Variants in RNF180 observed in about 807,000 individuals in gnomAD.
RNF180 encodes the protein E3 ubiquitin-protein ligase RNF180.
RNF180 carries 38 observed loss-of-function variants against 59.2 expected under a neutral mutation model. The observed-to-expected ratio is 0.64, with a 90% CI of 0.50 to 0.84. The LOEUF (loss-of-function observed/expected upper bound fraction) is 0.84. Among genes scored for constraint, RNF180 ranks in the 40% least tolerant of loss-of-function variants. The pLI, the probability that RNF180 is intolerant of heterozygous loss-of-function variation, is 0.00. For missense variants in RNF180, 705 were observed against 700.9 expected (o/e 1.01, Z -0.07); for synonymous variants, 262 against 240.3 (o/e 1.09, Z -0.84).
At chr5:64,233,752 T>A (rs1448270216) in intron 5 of RNF180, among the ~76,000 whole-genome samples, 1 of 152,238 alleles carries the variant, frequency 6.6e-6, no homozygotes, top group East Asian at 1.9e-4. Flanking sequence ...CCCCAGATTC[T>A]TTCTTGTGCG....
intron 4 of RNF180, among the ~76,000 whole-genome samples, chr5:64,215,650 TTTAAC>T (rs1473184814): frequency 6.6e-6 from 1 of 152,060 alleles, no homozygotes; most frequent in Non-Finnish European, 1.5e-5. Flanking sequence ...TACTTCATAG[TTTAAC>T]TTAAACTGTA....
In RNF180 at chr5:64,265,598, G is replaced by T. The variant is rs1012380415; in HGVS notation, c.1227+48202G>T. On this transcript the variant is annotated intron_variant, in intron 5 of 7. Transcript: ENST00000389100. ...TTCATTGGTCTATATTTCTATTTTG[G>T]TACCAGTACCATGCTGTTTTGGTTT... 2.0e-5 allele frequency among the ~76,000 whole-genome samples: 3 copies of T among 152,172 alleles called. No individual in the cohort carries two copies. The South Asian group carries it at 6.2e-4, about 32-fold the overall frequency.
intron 7 of RNF180, among the ~76,000 whole-genome samples, chr5:64,353,924 T>C (rs1047461555): frequency 7.3e-5 from 11 of 151,430 alleles, no homozygotes; most frequent in Non-Finnish European, 1.3e-4. Context: ...TACACTGATA[T>C]GAATGAAAAC....
At chr5:64,264,313 A>G (rs375222306) in intron 5 of RNF180, among the ~76,000 whole-genome samples, 3 of 152,116 alleles carry the variant, frequency 2.0e-5, no homozygotes, top group African/African-American at 7.2e-5. Context: ...TTCTGCACCC[A>G]TCAACCCATC....
At chr5:64,222,110 A>G (rs1741370903) in intron 5 of RNF180, among the ~76,000 whole-genome samples, 1 of 152,106 alleles carries the variant, frequency 6.6e-6, no homozygotes, top group South Asian at 2.1e-4. Context: ...TGACCTTGAC[A>G]GTTTTGAGGA....
intron 5 of RNF180, among the ~76,000 whole-genome samples, chr5:64,294,391 T>C (rs893973828): frequency 6.6e-6 from 1 of 152,098 alleles, no homozygotes; most frequent in Non-Finnish European, 1.5e-5. Context: ...AAGTTAAAAA[T>C]AAAATTCTAT....
chr5:64,331,482 A>G (rs1026603073), intron 7 of RNF180, among the ~76,000 whole-genome samples: 3 of 152,144 alleles, frequency 2.0e-5, no homozygotes, highest in Non-Finnish European at 4.4e-5. Flanking sequence ...ACTCAGGCAG[A>G]CAGTGGGACA....
chr5:64,203,736 T>C (rs1415057582), intron 2 of RNF180, among the ~76,000 whole-genome samples: 2 of 152,226 alleles, frequency 1.3e-5, no homozygotes, highest in East Asian at 3.9e-4. Flanking sequence ...GAAGGAGTAA[T>C]ATGAAGCAGT....
intron 2 of RNF180, among the ~76,000 whole-genome samples, chr5:64,210,584 A>C (rs1053964480): frequency 6.6e-6 from 1 of 152,126 alleles, no homozygotes. Flanking sequence ...GTGGAGATAG[A>C]ATGTGACTTA....
chr5:64,212,343 C>T (rs1316383737), intron 3 of RNF180, among the ~76,000 whole-genome samples, 183 bp downstream of exon 3: 3 of 151,698 alleles, frequency 2.0e-5, no homozygotes, highest in Admixed American at 6.6e-5. Context: ...CTGTGTTTTA[C>T]GCACACACAC....
At chr5:64,194,602 C>A (rs1212986016) in intron 1 of RNF180, among the ~76,000 whole-genome samples, 1 of 152,208 alleles carries the variant, frequency 6.6e-6, no homozygotes, top group African/African-American at 2.4e-5. Context: ...AATGGTTGAA[C>A]TAGTTTACAG....
intron 1 of RNF180, among the ~76,000 whole-genome samples, chr5:64,172,054 TG>T (rs1749965859): frequency 6.6e-6 from 1 of 152,240 alleles, no homozygotes. Context: ...GTAATGTCTT[TG>T]GGCATCAGTA....
rs144978562 is a variant in RNF180, at chr5:64,366,464, G to A, written c.1580-3151G>A. ...GGATAACCTTCTTACTAAATATTTT[G>A]TATTCGCTGGATTTGAATGTTGGCC... On this transcript the variant is annotated intron_variant, in intron 7 of 7. Transcript: ENST00000389100. Among the ~76,000 whole-genome samples, 357 of 151,428 alleles carry A rather than the reference G, an allele frequency of 2.4e-3. 2 individuals are homozygous for A. The highest frequency in any genetic ancestry group is 3.9e-3 in the Non-Finnish European group (264 of 67,606).
chr5:64,186,319 A>G (rs1337930865), intron 1 of RNF180, among the ~76,000 whole-genome samples: 1 of 152,172 alleles, frequency 6.6e-6, no homozygotes, highest in Non-Finnish European at 1.5e-5. Context: ...CATTTGGTTA[A>G]AACAACACTT....
At chr5:64,256,388 G>A (rs770425504) in intron 5 of RNF180, among the ~76,000 whole-genome samples, 19 of 152,186 alleles carry the variant, frequency 1.2e-4, no homozygotes, top group Non-Finnish European at 2.2e-4. Flanking sequence ...TAAGGTGTAA[G>A]GAAGGGAATC....
intron 1 of RNF180, among the ~76,000 whole-genome samples, chr5:64,190,352 A>G (rs1277434112): frequency 6.6e-6 from 1 of 152,174 alleles, no homozygotes; most frequent in Non-Finnish European, 1.5e-5. Context: ...TTAGAAGCAT[A>G]TACATTGCAT....
chr5:64,357,822 T>C (rs1407038324), intron 7 of RNF180, among the ~76,000 whole-genome samples: 1 of 151,876 alleles, frequency 6.6e-6, no homozygotes, highest in Non-Finnish European at 1.5e-5. Flanking sequence ...AGTCATAGCC[T>C]TGTTTTCTAG....
chr5:64,175,059 C>A (rs1381756127), intron 1 of RNF180, among the ~76,000 whole-genome samples: 1 of 151,234 alleles, frequency 6.6e-6, no homozygotes, highest in African/African-American at 2.4e-5. Flanking sequence ...CTTCCACCTC[C>A]CGGGTTCAAA....
At chr5:64,184,748 C>T (rs535646806) in intron 1 of RNF180, among the ~76,000 whole-genome samples, 67 of 152,132 alleles carry the variant, frequency 4.4e-4, no homozygotes, top group Non-Finnish European at 4.7e-4. Context: ...GAACACCTGG[C>T]GGATATGGTG....
Sources: gnomAD v4.1 joint callset for allele counts (sites outside exome capture counted in the v4.1 genomes callset) on GRCh38, gnomAD v4.1.1 for gene constraint, MANE v1.5 for transcripts, NCBI Gene and HGNC (gene_info 2026-07-23, HGNC 2026-07-21) for gene names.